Variants in INPP4B observed in about 807,000 individuals in gnomAD.
INPP4B encodes the protein inositol polyphosphate 4-phosphatase type II.
In INPP4B, 55 loss-of-function variants were observed where a neutral mutation model predicts 122.5. That is an observed-to-expected ratio of 0.45 (90% CI 0.36 to 0.56). The LOEUF (loss-of-function observed/expected upper bound fraction) is 0.56, where lower values mean the gene tolerates loss of function less well. Among genes scored for constraint, INPP4B ranks in the 20% least tolerant of loss-of-function variants. The pLI, the probability that INPP4B is intolerant of heterozygous loss-of-function variation, is 0.00. For missense variants in INPP4B, 1,000 were observed against 1,097.7 expected (o/e 0.91, Z 1.26); for synonymous variants, 403 against 388.7 (o/e 1.04, Z -0.43).
chr4:142,702,091 C>A (rs1196544741), intron 2 of INPP4B, among the ~76,000 whole-genome samples: 2 of 152,044 alleles, frequency 1.3e-5, no homozygotes, highest in East Asian at 1.9e-4. Flanking sequence ...GCAGTCTTAC[C>A]AATACAAGGT....
chr4:142,828,691 T>C (rs1212688149), intron 1 of INPP4B, among the ~76,000 whole-genome samples: 1 of 152,152 alleles, frequency 6.6e-6, no homozygotes, highest in Non-Finnish European at 1.5e-5. Flanking sequence ...GAGCAAGAGA[T>C]AGCAGAAACA....
chr4:142,143,436 T>C (rs1182720001), intron 18 of INPP4B, among the ~76,000 whole-genome samples: 4 of 152,112 alleles, frequency 2.6e-5, no homozygotes, highest in Non-Finnish European at 4.4e-5. Context: ...TTTTCTCTTA[T>C]GAATCTGCCT....
At chr4:142,230,576 G>A (rs1008182641) in intron 12 of INPP4B, among the ~76,000 whole-genome samples, 11 of 147,320 alleles carry the variant, frequency 7.5e-5, no homozygotes, top group African/African-American at 2.0e-4. Flanking sequence ...CCCAGGAGGC[G>A]AGGTTTTGGT....
At chr4:142,080,334 A>G (rs570288099) in intron 25 of INPP4B, among the ~76,000 whole-genome samples, 4 of 152,264 alleles carry the variant, frequency 2.6e-5, no homozygotes, top group African/African-American at 9.6e-5. Context: ...ATTAAAGAAA[A>G]GAACTCATCT....
intron 16 of INPP4B, among the ~76,000 whole-genome samples, chr4:142,172,119 T>C (rs1256137030): frequency 6.6e-6 from 1 of 151,924 alleles, no homozygotes; most frequent in East Asian, 1.9e-4. Flanking sequence ...ATCAAAATAC[T>C]TAGGTATTAC....
rs371045664 is a variant in INPP4B at position 142,788,530 on chromosome 4, C to T, written c.-254+57679G>A. On this transcript the variant is annotated intron_variant, in intron 1 of 25. Coordinates refer to ENST00000262992, the MANE Select transcript of INPP4B (RefSeq NM_001101669.3). ...AGATGTTTGGTTACATGAGTTAGTA[C>T]TTCAGTGGTGATTTGTGAGATTTTG... Among the ~76,000 whole-genome samples, 17 of 152,192 alleles carry T rather than the reference C, an allele frequency of 1.1e-4. No individual in the cohort carries two copies. The East Asian group carries it at 3.3e-3, about 29-fold the overall frequency.
chr4:142,418,551 T>A (rs1201266018), intron 5 of INPP4B, among the ~76,000 whole-genome samples: 1 of 151,922 alleles, frequency 6.6e-6, no homozygotes, highest in Non-Finnish European at 1.5e-5. Context: ...TGTTAGGGAC[T>A]GGTAGATCAG....
intron 7 of INPP4B, among the ~76,000 whole-genome samples, chr4:142,344,484 A>G (rs541191628): frequency 6.6e-6 from 1 of 152,074 alleles, no homozygotes; most frequent in Admixed American, 6.6e-5. Flanking sequence ...CCGAGTTGAC[A>G]GTGATATACT....
At chr4:142,087,823 A>C (rs1239751522) in intron 23 of INPP4B, among the ~76,000 whole-genome samples, 3 of 152,206 alleles carry the variant, frequency 2.0e-5, no homozygotes, top group Non-Finnish European at 2.9e-5. Context: ...AGTGAACTAT[A>C]CTAGTGATAT....
At chr4:142,221,677 T>C (rs574646926) in intron 12 of INPP4B, among the ~76,000 whole-genome samples, 50 of 152,168 alleles carry the variant, frequency 3.3e-4, no homozygotes, top group Middle Eastern at 3.4e-3. Context: ...CCCAGATCAG[T>C]CTTGACCAGT....
At chr4:142,441,569 T>C (rs1811725661) in intron 3 of INPP4B, among the ~76,000 whole-genome samples, 1 of 152,080 alleles carries the variant, frequency 6.6e-6, no homozygotes, top group South Asian at 2.1e-4. Flanking sequence ...TTAAGTGTAT[T>C]TGGCTAATGG....
intron 2 of INPP4B, among the ~76,000 whole-genome samples, chr4:142,623,837 C>A (rs549057897): frequency 3.4e-4 from 52 of 151,266 alleles, no homozygotes; most frequent in African/African-American, 1.1e-3. Context: ...TTTGTCCTTG[C>A]GATAGTTTAC....
chr4:142,042,512 GTGTGTGTATGTATGTATGTATGTATGTA>G (rs201399956), intron 25 of INPP4B, among the ~76,000 whole-genome samples: 156 of 46,384 alleles, frequency 3.4e-3, no homozygotes, highest in Non-Finnish European at 6.4e-3. Context: ...CAATTTATGT[GTGTGTGTATGTATGTATGTATGTATGTA>G]TGTATGTATG....
intron 25 of INPP4B, among the ~76,000 whole-genome samples, chr4:142,039,897 T>C (rs959411905): frequency 6.6e-6 from 1 of 152,170 alleles, no homozygotes; most frequent in Non-Finnish European, 1.5e-5. Flanking sequence ...TTGCTGTTTT[T>C]TTTTCTTCTT....
chr4:142,838,799 A>T (rs75744666), intron 1 of INPP4B, among the ~76,000 whole-genome samples: 10,745 of 152,186 alleles, frequency 0.071, 1,265 homozygotes, highest in African/African-American at 0.25. Context: ...TAAAACTTCA[A>T]CTCTATATGA....
chr4:142,691,735 C>T (rs1421373918), intron 2 of INPP4B, among the ~76,000 whole-genome samples: 1 of 152,020 alleles, frequency 6.6e-6, no homozygotes, highest in Admixed American at 6.6e-5. Flanking sequence ...CTTTCTAAAC[C>T]ACTGACCTTG....
intron 8 of INPP4B, 144 bp downstream of exon 8, chr4:142,314,568 T>C (rs11945996): frequency 0.099 from 72,297 of 730,770 alleles, 4,135 homozygotes; most frequent in African/African-American, 0.19. Context: ...TCAGCAAATA[T>C]GTGACAGTGC....
intron 25 of INPP4B, among the ~76,000 whole-genome samples, chr4:142,037,629 T>A (rs538008137): frequency 1.3e-5 from 2 of 152,196 alleles, no homozygotes; most frequent in Non-Finnish European, 1.5e-5. Context: ...TGCTTCAAGT[T>A]TGAAGCTATG....
chr4:142,040,979 C>T (rs2645809), intron 25 of INPP4B, among the ~76,000 whole-genome samples: 15,879 of 152,080 alleles, frequency 0.1, 1,518 homozygotes, highest in African/African-American at 0.26. Flanking sequence ...AAATTCATCA[C>T]GACACCTGGC....
Sources: allele counts gnomAD v4.1 joint callset (sites outside exome capture counted in the v4.1 genomes callset), GRCh38; gene constraint gnomAD v4.1.1; transcripts MANE v1.5; gene names NCBI Gene and HGNC (gene_info 2026-07-23, HGNC 2026-07-21).